The following AP3B1 variants were observed in gnomAD, a reference collection of about 807,000 sequenced individuals.
AP3B1 encodes adaptor related protein complex 3 subunit beta 1, also known as AP-3 complex subunit beta-1.
In AP3B1, 61 loss-of-function variants were observed where a neutral mutation model predicts 132.5. That is an observed-to-expected ratio of 0.46 (90% confidence interval 0.37 to 0.57). The LOEUF (loss-of-function observed/expected upper bound fraction) is 0.57. Among genes scored for constraint, AP3B1 ranks in the 20% least tolerant of loss-of-function variants. The pLI is 0.00. For missense variants in AP3B1, 1,120 were observed against 1,289.4 expected, an observed-to-expected ratio of 0.87 and a Z score of 2.01; for synonymous variants, 388 against 438.3, an observed-to-expected ratio of 0.89 and a Z score of 1.43.
intron 2 of AP3B1, among the ~76,000 whole-genome samples, chr5:78,242,799 T>C (rs1410895510): frequency 1.3e-5 from 2 of 152,234 alleles, no homozygotes; most frequent in African/African-American, 2.4e-5. Context: ...TCTATCTGTA[T>C]TCCCATTTTG....
At chr5:78,176,810 T>G (rs960727507) in intron 9 of AP3B1, among the ~76,000 whole-genome samples, 41 of 152,162 alleles carry the variant, frequency 2.7e-4, no homozygotes, top group African/African-American at 9.6e-4. Context: ...TATGCAATCT[T>G]TAAAATGAGT....
chr5:78,094,980 CAA>C (rs1309653039), intron 21 of AP3B1, among the ~76,000 whole-genome samples: 1 of 152,156 alleles, frequency 6.6e-6, no homozygotes, highest in African/African-American at 2.4e-5. Flanking sequence ...CAGGCCTGGC[CAA>C]CTGATGCTTT....
chr5:78,018,930 T>G (rs1294682044), intron 25 of AP3B1, among the ~76,000 whole-genome samples: 1 of 152,126 alleles, frequency 6.6e-6, no homozygotes, highest in African/African-American at 2.4e-5. Context: ...AAGATGCTAT[T>G]GAAAAGACTC....
At chr5:78,207,055 C>T (rs187998202) in intron 7 of AP3B1, among the ~76,000 whole-genome samples, 1 of 151,920 alleles carries the variant, frequency 6.6e-6, no homozygotes, top group East Asian at 1.9e-4. Flanking sequence ...GTCAGGAGTT[C>T]GAAACCAACC....
intron 20 of AP3B1, among the ~76,000 whole-genome samples, chr5:78,108,303 C>T (rs977755608): frequency 6.6e-6 from 1 of 152,184 alleles, no homozygotes; most frequent in African/African-American, 2.4e-5. Context: ...GAAGCCACAA[C>T]ACTTGGTGCA....
chr5:78,126,020 T>C (rs1224731231), intron 17 of AP3B1, among the ~76,000 whole-genome samples: 2 of 150,096 alleles, frequency 1.3e-5, no homozygotes, highest in Non-Finnish European at 3.0e-5. Flanking sequence ...GAGGGAGAGA[T>C]AAGGCGGAAG....
chr5:78,068,286 G>A (rs1446179298), intron 22 of AP3B1, among the ~76,000 whole-genome samples: 3 of 152,040 alleles, frequency 2.0e-5, no homozygotes, highest in African/African-American at 7.2e-5. Flanking sequence ...TCATGCCATT[G>A]CACTCCAGCC....
intron 22 of AP3B1, among the ~76,000 whole-genome samples, chr5:78,059,430 C>T (rs930600175): frequency 4.6e-5 from 7 of 152,162 alleles, no homozygotes; most frequent in South Asian, 2.1e-4. Flanking sequence ...AAGGTAACTG[C>T]GGTGCCTAGT....
chr5:78,132,951 A>G (rs964117001), intron 15 of AP3B1, among the ~76,000 whole-genome samples: 2 of 152,242 alleles, frequency 1.3e-5, no homozygotes, highest in Non-Finnish European at 2.9e-5. Flanking sequence ...GACTTACACT[A>G]TACAATAAAT....
At chr5:78,117,332 C>T (rs137879779) in intron 17 of AP3B1, among the ~76,000 whole-genome samples, 1,823 of 146,662 alleles carry the variant, frequency 0.012, 39 homozygotes, top group African/African-American at 0.044. Context: ...TTTTTTGAGA[C>T]GGAGTCTCGC....
In AP3B1 at chr5:78,284,242, T is replaced by G. The variant is rs540753122; in HGVS notation, c.128+10210A>C. 2.6e-5 allele frequency among the ~76,000 whole-genome samples: 4 copies of G among 152,330 alleles called. No individual in the cohort carries two copies. In the South Asian group the frequency reaches 8.3e-4, roughly 32 times the overall value. On this transcript the variant is annotated intron_variant, in intron 1 of 26. Coordinates refer to ENST00000255194, the MANE Select transcript of AP3B1 (RefSeq NM_003664.5). ...TGGCTAGTTGCTACTATATTGAACA[T>G]TACAGCTCTAAACCTAGGTATATGC...
chr5:78,215,736 C>A (rs1363010367), intron 7 of AP3B1, among the ~76,000 whole-genome samples: 1 of 152,046 alleles, frequency 6.6e-6, no homozygotes, highest in East Asian at 1.9e-4. Context: ...TAACTAGTAA[C>A]CAAAAAAATC....
chr5:78,177,449 G>C lies in AP3B1; in HGVS notation c.943-13C>G, dbSNP rs746004230. 6.3e-7 allele frequency: 1 copy of C among 1,596,086 alleles called. No homozygotes were observed. The highest frequency in any genetic ancestry group is 1.1e-5 in the South Asian group (1 of 90,736). On this transcript the variant is annotated splice_polypyrimidine_tract_variant and intron_variant, in intron 8 of 26. Transcript: ENST00000255194. ...CTGCCATAACCACCTACAAGATAAA[G>C]CATAAAAATAACAGAACTATGAACA...
chr5:78,173,832 G>A, intron 11 of AP3B1, among the ~76,000 whole-genome samples: 1 of 152,146 alleles, frequency 6.6e-6, no homozygotes, highest in Middle Eastern at 3.2e-3. Flanking sequence ...ATCAAATGCA[G>A]ATTTGGTCTT....
intron 1 of AP3B1, among the ~76,000 whole-genome samples, chr5:78,283,870 A>C (rs993017506): frequency 1.3e-5 from 2 of 152,102 alleles, no homozygotes. Context: ...ATACTTTAGC[A>C]CTCCTTACTG....
chr5:78,119,831 T>C (rs549137447), intron 17 of AP3B1, among the ~76,000 whole-genome samples: 1 of 152,176 alleles, frequency 6.6e-6, no homozygotes, highest in Non-Finnish European at 1.5e-5. Context: ...ATTCAGGAAA[T>C]ACAGAGAACG....
At chr5:78,125,283 A>C (rs1752409668) in intron 17 of AP3B1, among the ~76,000 whole-genome samples, 1 of 152,096 alleles carries the variant, frequency 6.6e-6, no homozygotes, top group Admixed American at 6.6e-5. Context: ...TATCCTAGAA[A>C]TGGTGGTGTG....
At chr5:78,249,383 T>A (rs1442504956) in intron 2 of AP3B1, among the ~76,000 whole-genome samples, 2 of 151,954 alleles carry the variant, frequency 1.3e-5, no homozygotes, top group African/African-American at 4.8e-5. Flanking sequence ...AAAATAAAAA[T>A]AAAAATTGTA....
chr5:78,153,417 C>CA (rs1554071065), intron 14 of AP3B1, among the ~76,000 whole-genome samples: 1 of 147,372 alleles, frequency 6.8e-6, no homozygotes, highest in African/African-American at 2.5e-5. Flanking sequence ...TTTTCCATCC[C>CA]TTTTTTTTTT....
Sources: allele counts gnomAD v4.1 joint callset (sites outside exome capture counted in the v4.1 genomes callset), GRCh38; gene constraint gnomAD v4.1.1; transcripts MANE v1.5; gene names NCBI Gene and HGNC (gene_info 2026-07-23, HGNC 2026-07-21).